RBFOX1: variants seen among roughly 807,000 people sequenced by gnomAD.
The protein encoded by RBFOX1 is RNA binding protein fox-1 homolog 1.
In RBFOX1, 8 loss-of-function variants were observed where a neutral mutation model predicts 57.7. The observed-to-expected ratio is 0.14, with a 90% confidence interval of 0.08 to 0.25. The LOEUF is 0.25. Among genes scored for constraint, RBFOX1 ranks in the 10% least tolerant of loss-of-function variants. The pLI, the probability that RBFOX1 is intolerant of heterozygous loss-of-function variation, is 1.00. For synonymous variants in RBFOX1, 326 were observed against 222.4 expected (o/e 1.47, Z -4.15); for missense variants, 611 against 548.5 (o/e 1.11, Z -1.14).
chr16:7,385,919 CTTATTTATTTATTTAT>C lies in RBFOX1; in HGVS notation c.28-132201_28-132186del, dbSNP rs138535933. On this transcript the variant is annotated intron_variant, in intron 4 of 15. Coordinates refer to ENST00000550418, the MANE Select transcript of RBFOX1 (RefSeq NM_018723.4). The stretch of plus-strand genomic sequence containing the variant: ...AGGCACATGCCACCATGCCCAGTTA[CTTATTTATTTATTTAT>C]TTATTTATTTATTTATTTATTTATT... Among the ~76,000 whole-genome samples the C allele has an allele frequency of 4.6e-4, 62 of 135,242 alleles. 1 individual carries two copies. In the South Asian group the frequency reaches 7.5e-3, roughly 16 times the overall value. 88.7% of individuals were successfully genotyped at this position (135,242 alleles called of 152,430 possible).
At chr16:5,849,521 C>T (rs746221796) in intron 3 of RBFOX1, among the ~76,000 whole-genome samples, 4 of 152,086 alleles carry the variant, frequency 2.6e-5, no homozygotes, top group Non-Finnish European at 5.9e-5. Context: ...ACTCTAGGGT[C>T]CTTCTCTGAT....
intron 5 of RBFOX1, among the ~76,000 whole-genome samples, chr16:7,555,108 G>C (rs369300154): frequency 6.6e-5 from 10 of 152,224 alleles, no homozygotes; most frequent in South Asian, 2.1e-4. Flanking sequence ...GGGGTTTTTA[G>C]TAGAAGCCCA....
intron 4 of RBFOX1, among the ~76,000 whole-genome samples, chr16:7,067,783 T>G (rs2056444752): frequency 6.7e-6 from 1 of 148,232 alleles, no homozygotes; most frequent in Non-Finnish European, 1.5e-5. Context: ...AGAATATGTG[T>G]TGTTTGATTT....
chr16:5,405,004 G>A (rs1035818462), intron 1 of RBFOX1, among the ~76,000 whole-genome samples: 1 of 152,180 alleles, frequency 6.6e-6, no homozygotes, highest in African/African-American at 2.4e-5. Flanking sequence ...TATTTTACAT[G>A]CAATAATTCA....
At chr16:6,388,804 A>C (rs976259304) in intron 2 of RBFOX1, among the ~76,000 whole-genome samples, 2 of 152,222 alleles carry the variant, frequency 1.3e-5, no homozygotes, top group Non-Finnish European at 2.9e-5. Flanking sequence ...CCTGGAGGAC[A>C]TTCGGCTAAA....
intron 4 of RBFOX1, among the ~76,000 whole-genome samples, chr16:7,352,141 C>G (rs1445372873): frequency 6.6e-6 from 1 of 152,178 alleles, no homozygotes; most frequent in Non-Finnish European, 1.5e-5. Flanking sequence ...CAGAAACATA[C>G]TAAAGGATCT....
chr16:7,000,586 C>CTTTTTTTTTTTTTT (rs149516490), intron 3 of RBFOX1, among the ~76,000 whole-genome samples: 9 of 95,842 alleles, frequency 9.4e-5, no homozygotes, highest in African/African-American at 2.7e-4. Flanking sequence ...TTTTTTCTTT[C>CTTTTTTTTTTTTTT]TTTTTCTTTC....
chr16:5,901,150 T>G (rs140234126), intron 4 of RBFOX1, among the ~76,000 whole-genome samples: 1 of 152,292 alleles, frequency 6.6e-6, no homozygotes, highest in African/African-American at 2.4e-5. Flanking sequence ...AGCAGCCCAG[T>G]CATGTTCGTC....
intron 9 of RBFOX1, among the ~76,000 whole-genome samples, chr16:7,598,252 G>C (rs559148954): frequency 2.6e-5 from 4 of 152,034 alleles, no homozygotes; most frequent in African/African-American, 9.7e-5. Context: ...CCATTAAAAT[G>C]AGCAGGATAA....
chr16:5,750,362 C>T (rs942265923), intron 3 of RBFOX1, among the ~76,000 whole-genome samples: 1 of 152,318 alleles, frequency 6.6e-6, no homozygotes, highest in Non-Finnish European at 1.5e-5. Flanking sequence ...TGTCAAACTC[C>T]ATGCTGGGAG....
intron 2 of RBFOX1, among the ~76,000 whole-genome samples, chr16:5,581,590 G>C (rs892457698): frequency 6.6e-6 from 1 of 152,220 alleles, no homozygotes; most frequent in Non-Finnish European, 1.5e-5. Context: ...CTCATGGTTA[G>C]TGTGGAACAT....
chr16:7,228,720 A>G (rs1423897249), intron 4 of RBFOX1, among the ~76,000 whole-genome samples: 1 of 152,238 alleles, frequency 6.6e-6, no homozygotes, highest in Non-Finnish European at 1.5e-5. Context: ...ACGTGAAAGA[A>G]CATTAATTCC....
chr16:7,552,911 G>A (rs533671743), intron 5 of RBFOX1, among the ~76,000 whole-genome samples: 4 of 152,080 alleles, frequency 2.6e-5, no homozygotes, highest in South Asian at 2.1e-4. Flanking sequence ...TCAAACTGCC[G>A]ACCTCAGGTG....
chr16:5,901,786 C>G (rs2058310796), intron 4 of RBFOX1, among the ~76,000 whole-genome samples: 1 of 152,184 alleles, frequency 6.6e-6, no homozygotes, highest in Non-Finnish European at 1.5e-5. Context: ...TTGAGCTTTT[C>G]TGTATCTTTT....
At chr16:6,985,832 T>TAAAA (rs565941451) in intron 3 of RBFOX1, among the ~76,000 whole-genome samples, 7,885 of 99,762 alleles carry the variant, frequency 0.079, 448 homozygotes, top group South Asian at 0.2. Flanking sequence ...TGAGTTCATG[T>TAAAA]AAAAAAAAAA....
chr16:7,233,864 G>A (rs373081934), intron 4 of RBFOX1, among the ~76,000 whole-genome samples: 8 of 152,268 alleles, frequency 5.3e-5, no homozygotes, highest in East Asian at 3.9e-4. Flanking sequence ...TATTTCTGCC[G>A]ATCTTAGCCA....
intron 2 of RBFOX1, among the ~76,000 whole-genome samples, chr16:5,569,917 A>G (rs1205430449): frequency 1.3e-5 from 2 of 152,246 alleles, no homozygotes; most frequent in Non-Finnish European, 2.9e-5. Context: ...ACGTAATGTC[A>G]GTCATATTGC....
At chr16:5,903,969 C>T (rs931697431) in intron 4 of RBFOX1, among the ~76,000 whole-genome samples, 11 of 152,128 alleles carry the variant, frequency 7.2e-5, no homozygotes, top group African/African-American at 2.7e-4. Flanking sequence ...TATATGTCAC[C>T]TTCGGGCAAA....
At chr16:5,871,987 C>T (rs1182997339) in intron 4 of RBFOX1, among the ~76,000 whole-genome samples, 1 of 152,262 alleles carries the variant, frequency 6.6e-6, no homozygotes, top group African/African-American at 2.4e-5. Flanking sequence ...AATCTCCCTC[C>T]TACCATTATT....
Sources: allele counts gnomAD v4.1 joint callset (sites outside exome capture counted in the v4.1 genomes callset), GRCh38; gene constraint gnomAD v4.1.1; transcripts MANE v1.5; gene names NCBI Gene and HGNC (gene_info 2026-07-23, HGNC 2026-07-21).